Variants in PDE7A observed in about 807,000 individuals in gnomAD.
PDE7A encodes the protein high affinity 3',5'-cyclic-AMP phosphodiesterase 7A.
In PDE7A, 39 loss-of-function variants were observed where a neutral mutation model predicts 64.3. That is an observed-to-expected ratio of 0.61 (90% CI 0.47 to 0.79). The LOEUF (loss-of-function observed/expected upper bound fraction) is 0.79. PDE7A is among the 30% of genes least tolerant of loss of function. The pLI, the probability that PDE7A is intolerant of heterozygous loss-of-function variation, is 0.00. For synonymous variants in PDE7A, 203 were observed against 206.8 expected (o/e 0.98, Z 0.16); for missense variants, 470 against 582.8 (o/e 0.81, Z 1.99).
rs534661386 is a variant in PDE7A at position 65,717,093 on chromosome 8, G to A, written c.*2197C>T. Among the ~76,000 whole-genome samples the A allele has an allele frequency of 6.0e-5, 9 of 150,458 alleles. No homozygotes were observed. Among genetic ancestry groups the A allele is most frequent in the South Asian group, 2.1e-4 (1 of 4,834 alleles). Reference sequence around the variant, plus strand: ...TTTAAAGTGATACAATATTTTGGACGTATTGGAATAGATGTTACTAAAATT... The same window carrying A: ...TTTAAAGTGATACAATATTTTGGACATATTGGAATAGATGTTACTAAAATT... On this transcript the variant is annotated 3_prime_UTR_variant, in exon 13 of 13. Transcript: ENST00000401827.
intron 1 of PDE7A, among the ~76,000 whole-genome samples, chr8:65,808,320 A>G (rs1294149362): frequency 6.6e-6 from 1 of 152,228 alleles, no homozygotes; most frequent in African/African-American, 2.4e-5. Flanking sequence ...TAAAGTTAAT[A>G]ATAATGAATA....
At chr8:65,835,825 G>C (rs373238544) in intron 1 of PDE7A, among the ~76,000 whole-genome samples, 7 of 152,110 alleles carry the variant, frequency 4.6e-5, no homozygotes, top group Non-Finnish European at 7.4e-5. Context: ...GTAAAATCTC[G>C]GCATATAAAT....
chr8:65,780,687 A>G (rs1364916557), intron 2 of PDE7A, among the ~76,000 whole-genome samples: 3 of 152,234 alleles, frequency 2.0e-5, no homozygotes, highest in Non-Finnish European at 4.4e-5. Context: ...AAGCTAGTAC[A>G]AAGGGTAAGT....
chr8:65,757,863 C>T (rs372711305), intron 3 of PDE7A, among the ~76,000 whole-genome samples: 4 of 152,150 alleles, frequency 2.6e-5, no homozygotes, highest in Admixed American at 6.6e-5. Flanking sequence ...GTGATCCGAC[C>T]GCCTTGGCCT....
At chr8:65,798,191 TATATATATATATA>T (rs1327597634) in intron 1 of PDE7A, among the ~76,000 whole-genome samples, 1 of 21,634 alleles carries the variant, frequency 4.6e-5, no homozygotes, top group Non-Finnish European at 7.9e-5. Flanking sequence ...TATATATATA[TATATATATATATA>T]TATTTTTTTT....
At chr8:65,773,458 C>T (rs185663435) in intron 3 of PDE7A, among the ~76,000 whole-genome samples, 2 of 152,274 alleles carry the variant, frequency 1.3e-5, no homozygotes, top group Admixed American at 1.3e-4. Context: ...TAACACTGAG[C>T]TGCCTCCAGT....
At chr8:65,808,058 C>A (rs1253000340) in intron 1 of PDE7A, among the ~76,000 whole-genome samples, 2 of 152,158 alleles carry the variant, frequency 1.3e-5, no homozygotes, top group Non-Finnish European at 1.5e-5. Context: ...GTCTTCCCCA[C>A]CCCCATTCAG....
At chr8:65,736,042 CTA>C (rs1361379005) in intron 6 of PDE7A, among the ~76,000 whole-genome samples, 1 of 152,180 alleles carries the variant, frequency 6.6e-6, no homozygotes, top group Admixed American at 6.5e-5. Context: ...CCTATTTATA[CTA>C]TGTTTTTCCT....
chr8:65,806,322 G>A (rs947020439), intron 1 of PDE7A, among the ~76,000 whole-genome samples: 16 of 152,076 alleles, frequency 1.1e-4, no homozygotes, highest in Non-Finnish European at 2.2e-4. Context: ...TAAATTCATA[G>A]AGACAGAAAG....
intron 7 of PDE7A, 51 bp downstream of exon 7, chr8:65,734,743 C>T (rs753841456): frequency 1.3e-5 from 13 of 1,032,268 alleles, no homozygotes; most frequent in Non-Finnish European, 2.0e-5. Flanking sequence ...GAAAGTAAAT[C>T]AAAAGGAATT....
At chr8:65,819,204 G>T (rs1810481690) in intron 1 of PDE7A, among the ~76,000 whole-genome samples, 1 of 152,150 alleles carries the variant, frequency 6.6e-6, no homozygotes, top group Non-Finnish European at 1.5e-5. Flanking sequence ...GACCAGCCTG[G>T]GCAACATAGT....
At chr8:65,816,513 CTT>C (rs767119999) in intron 1 of PDE7A, among the ~76,000 whole-genome samples, 3 of 152,160 alleles carry the variant, frequency 2.0e-5, no homozygotes, top group Non-Finnish European at 4.4e-5. Context: ...AGAACTTAAT[CTT>C]TTAGTATTTC....
chr8:65,730,471 A>C (rs1301259133), intron 7 of PDE7A, among the ~76,000 whole-genome samples: 2 of 151,998 alleles, frequency 1.3e-5, no homozygotes, highest in South Asian at 4.2e-4. Flanking sequence ...TGAGCCACCA[A>C]GCCCAGCCAG....
At chr8:65,831,967 A>T (rs1810833960) in intron 1 of PDE7A, among the ~76,000 whole-genome samples, 1 of 152,232 alleles carries the variant, frequency 6.6e-6, no homozygotes, top group Non-Finnish European at 1.5e-5. Flanking sequence ...CAATAGCTTC[A>T]GTTAGCATTT....
chr8:65,768,871 G>A (rs2128919205), intron 3 of PDE7A, among the ~76,000 whole-genome samples: 1 of 152,202 alleles, frequency 6.6e-6, no homozygotes, highest in South Asian at 2.1e-4. Context: ...ATACAAAAAG[G>A]TCAAGAATGC....
intron 7 of PDE7A, among the ~76,000 whole-genome samples, chr8:65,731,115 C>T (rs914598441): frequency 2.0e-5 from 3 of 152,124 alleles, no homozygotes; most frequent in South Asian, 4.1e-4. Flanking sequence ...GCCCTGGAGG[C>T]CTGACATTCC....
chr8:65,775,916 C>T (rs1809246296), intron 3 of PDE7A, among the ~76,000 whole-genome samples: 1 of 152,178 alleles, frequency 6.6e-6, no homozygotes, highest in Non-Finnish European at 1.5e-5. Context: ...GCGTGAGCCA[C>T]CATGCCCGGC....
chr8:65,753,267 A>C (rs1808052500), intron 3 of PDE7A, among the ~76,000 whole-genome samples: 1 of 152,182 alleles, frequency 6.6e-6, no homozygotes, highest in South Asian at 2.1e-4. Flanking sequence ...CTTTGTACCA[A>C]GTTCTTAATG....
intron 9 of PDE7A, 32 bp downstream of exon 9, chr8:65,726,843 T>TAA (rs1466913242): frequency 8.5e-7 from 1 of 1,172,944 alleles, no homozygotes; most frequent in Non-Finnish European, 1.3e-6. Flanking sequence ...CTATAACCAG[T>TAA]AACAAATTAA....
Sources: gnomAD v4.1 joint callset for allele counts (sites outside exome capture counted in the v4.1 genomes callset) on GRCh38, gnomAD v4.1.1 for gene constraint, MANE v1.5 for transcripts, NCBI Gene and HGNC (gene_info 2026-07-23, HGNC 2026-07-21) for gene names.